The following SNX8 variants were observed in gnomAD, a reference collection of about 807,000 sequenced individuals.
SNX8 encodes the protein sorting nexin 8, also known as sorting nexin-8.
SNX8 carries 25 observed loss-of-function variants against 51.6 expected under a neutral mutation model. The ratio of observed to expected loss-of-function variants is 0.48; its 90% CI spans 0.35 to 0.68. The LOEUF is 0.68. Ranked by LOEUF, SNX8 falls within the 30% of genes least tolerant of loss-of-function variation. SNX8 has a pLI of 0.00. For synonymous variants in SNX8, 324 were observed against 277.0 expected, an observed-to-expected ratio of 1.17 and a Z score of -1.68; for missense variants, 695 against 624.0, an observed-to-expected ratio of 1.11 and a Z score of -1.21.
At position 2,254,990 on chromosome 7, in the gene SNX8, C is replaced by T; in HGVS notation, c.*66G>A. The T allele has an allele frequency of 9.2e-7, 1 of 1,090,450 alleles. No homozygotes were observed. Among genetic ancestry groups the T allele is most frequent in the Non-Finnish European group, 1.4e-6 (1 of 731,670 alleles). The allele number at this position is 1,090,450 out of a possible 1,614,324, so 67.5% of individuals were successfully genotyped here. ...GAGCTGCCGTCCAAAGGGAATTACACCGGGACACACCGTTTGGAAAGAGGT... is the reference window on the plus strand; with the variant it reads ...GAGCTGCCGTCCAAAGGGAATTACATCGGGACACACCGTTTGGAAAGAGGT... On this transcript the variant is annotated 3_prime_UTR_variant, in exon 11 of 11. Coordinates refer to ENST00000222990, the MANE Select transcript of SNX8 (RefSeq NM_013321.4).
At chr7:2,308,634 C>G (rs963160897) in intron 1 of SNX8, among the ~76,000 whole-genome samples, 1 of 141,730 alleles carries the variant, frequency 7.1e-6, no homozygotes, top group African/African-American at 2.6e-5. Flanking sequence ...CCACTGCACT[C>G]CAGCCTGGGC....
Position 2,257,458 on chromosome 7 carries a change from G to A in SNX8, c.1041C>T (p.His347=), listed in dbSNP as rs1339421875. The change falls in exon 9 of 11, where the codon CAC becomes CAT. Residue 347 remains histidine, a synonymous_variant. Transcript: ENST00000222990. ...TCTGCCTCTTCATCAGGCTGTACTT[G>A]TGCAGGGCCCGCTGGTGCTTGTGCA... The part of the protein sequence containing the change: ...GVLHKHQRAL[H]KYSLMKRQMM... The A allele has an allele frequency of 1.9e-6, 3 of 1,609,218 alleles. No individual in the cohort carries two copies. Among genetic ancestry groups the A allele is most frequent in the East Asian group, 2.2e-5 (1 of 44,716 alleles).
intron 7 of SNX8, among the ~76,000 whole-genome samples, chr7:2,258,625 A>AGGAAGGGGGCACAG (rs1795257034): frequency 6.6e-6 from 1 of 152,212 alleles, no homozygotes; most frequent in Non-Finnish European, 1.5e-5. Flanking sequence ...ACGCAGGCCT[A>AGGAAGGGGGCACAG]GGAAGGGGGC....
At chr7:2,329,270 A>G (rs1353610985) in intron 1 of SNX8, among the ~76,000 whole-genome samples, 3 of 151,648 alleles carry the variant, frequency 2.0e-5, no homozygotes, top group African/African-American at 4.8e-5. Context: ...GTCCATCTCA[A>G]AAAAATAAAT....
At chr7:2,343,019 T>G (rs892246759) in intron 1 of SNX8, among the ~76,000 whole-genome samples, 1 of 151,886 alleles carries the variant, frequency 6.6e-6, no homozygotes, top group Admixed American at 6.6e-5. Context: ...GGTCTTGAAC[T>G]CCTGACCTTA....
intron 1 of SNX8, among the ~76,000 whole-genome samples, chr7:2,342,436 T>G (rs1583125916): frequency 6.6e-6 from 1 of 151,692 alleles, no homozygotes; most frequent in South Asian, 2.1e-4. Context: ...GGCGGATCAC[T>G]TGAGGTCAGG....
chr7:2,287,516 T>C (rs1584704692), intron 1 of SNX8, among the ~76,000 whole-genome samples: 1 of 150,892 alleles, frequency 6.6e-6, no homozygotes. Flanking sequence ...GAGGCAGAGG[T>C]TGCAGTGAGC....
At chr7:2,293,576 C>A (rs1371865025) in intron 1 of SNX8, among the ~76,000 whole-genome samples, 3 of 149,208 alleles carry the variant, frequency 2.0e-5, no homozygotes, top group Non-Finnish European at 3.0e-5. Context: ...GCAGGAGAAT[C>A]GCTTGAACCC....
intron 1 of SNX8, among the ~76,000 whole-genome samples, chr7:2,334,311 G>C (rs1021609888): frequency 5.3e-5 from 8 of 152,068 alleles, no homozygotes; most frequent in African/African-American, 1.9e-4. Flanking sequence ...GCTGAGGCAG[G>C]AGAATCACTT....
intron 1 of SNX8, among the ~76,000 whole-genome samples, chr7:2,347,536 G>A (rs1307035365): frequency 2.0e-5 from 3 of 149,076 alleles, no homozygotes; most frequent in East Asian, 1.9e-4. Flanking sequence ...GGCAGTAGGC[G>A]GCAGGGAAAA....
upstream of SNX8, chr7:2,314,546 G>T: frequency 1.0e-6 from 1 of 981,970 alleles, no homozygotes; most frequent in Non-Finnish European, 1.2e-6. Context: ...CACGCCCACA[G>T]TCCGCCCCTG....
chr7:2,322,657 G>A (rs1037947672), intron 1 of SNX8, among the ~76,000 whole-genome samples: 1 of 151,906 alleles, frequency 6.6e-6, no homozygotes, highest in Non-Finnish European at 1.5e-5. Flanking sequence ...TCGCGCCACT[G>A]CACTCCAGCC....
chr7:2,338,902 C>T (rs1778875161), intron 1 of SNX8, among the ~76,000 whole-genome samples: 1 of 151,982 alleles, frequency 6.6e-6, no homozygotes, highest in African/African-American at 2.4e-5. Flanking sequence ...CATAGCAAGA[C>T]CTTGCCTCTA....
intron 3 of SNX8, among the ~76,000 whole-genome samples, chr7:2,272,493 G>A (rs1168162720): frequency 6.6e-6 from 1 of 151,514 alleles, no homozygotes; most frequent in African/African-American, 2.4e-5. Context: ...TCCTGTCTCA[G>A]CCTCTGGAAT....
chr7:2,306,829 G>A (rs902890544), intron 1 of SNX8, among the ~76,000 whole-genome samples: 2 of 152,126 alleles, frequency 1.3e-5, no homozygotes, highest in African/African-American at 4.8e-5. Flanking sequence ...GCGCATTACT[G>A]GGTCTGATGA....
rs1227990375 is a variant in SNX8, at chr7:2,306,120, C to T, written c.94+8208G>A. On this transcript the variant is annotated intron_variant, in intron 1 of 10. Transcript: ENST00000222990. Reference sequence around the variant, plus strand: ...GGATTACAGGCATGAGCCACTGTGCCCAACCCGGGACAAGTCATTTTTTTG... The same window carrying T: ...GGATTACAGGCATGAGCCACTGTGCTCAACCCGGGACAAGTCATTTTTTTG... Among the ~76,000 whole-genome samples the T allele has an allele frequency of 2.0e-5, 3 of 152,132 alleles. No homozygotes were observed. In the East Asian group the frequency reaches 5.8e-4, roughly 29 times the overall value.
chr7:2,268,159 G>T (rs1188781466), intron 5 of SNX8, among the ~76,000 whole-genome samples: 2 of 139,704 alleles, frequency 1.4e-5, no homozygotes, highest in Non-Finnish European at 3.1e-5. Context: ...ATCCGGGAGG[G>T]AGGTGGGGGG....
chr7:2,343,287 G>A (rs1313861547), intron 1 of SNX8, among the ~76,000 whole-genome samples: 1 of 152,048 alleles, frequency 6.6e-6, no homozygotes, highest in Non-Finnish European at 1.5e-5. Flanking sequence ...TATGATGAAA[G>A]AGACCATGAA....
At chr7:2,307,360 C>A (rs1055115176) in intron 1 of SNX8, among the ~76,000 whole-genome samples, 1 of 151,896 alleles carries the variant, frequency 6.6e-6, no homozygotes, top group Non-Finnish European at 1.5e-5. Context: ...GGACCAGGTG[C>A]AGTGGCTCAC....
Sources: allele counts gnomAD v4.1 joint callset (sites outside exome capture counted in the v4.1 genomes callset), GRCh38; gene constraint gnomAD v4.1.1; transcripts MANE v1.5; gene names NCBI Gene and HGNC (gene_info 2026-07-23, HGNC 2026-07-21).